The following RIPOR2 variants were observed in gnomAD, a reference collection of about 807,000 sequenced individuals.
The protein encoded by RIPOR2 is rho family-interacting cell polarization regulator 2.
A neutral mutation model predicts 114.5 loss-of-function variants in RIPOR2; 39 were observed. The observed-to-expected ratio is 0.34, with a 90% CI of 0.26 to 0.44. The LOEUF is 0.44. RIPOR2 is among the 20% of genes least tolerant of loss of function. RIPOR2 has a pLI of 1.00. For missense variants in RIPOR2, 1,007 were observed against 1,255.1 expected (o/e 0.80, Z 2.99); for synonymous variants, 445 against 484.4 (o/e 0.92, Z 1.07).
rs184240724 is a variant in RIPOR2, at chr6:24,887,987, C to A, written c.62-12170G>T. Among the ~76,000 whole-genome samples, 246 of 151,668 alleles carry A rather than the reference C, an allele frequency of 1.6e-3. 2 individuals carry two copies. Among genetic ancestry groups the A allele is most frequent in the Admixed American group, 6.4e-3 (98 of 15,268 alleles). ...ATGCACAGTCTAGAACACTTGTAGA[C>A]CCTCATTTGGTGTACACTACATGGC... On this transcript the variant is annotated intron_variant, in intron 1 of 21. Coordinates refer to ENST00000643898, the MANE Select transcript of RIPOR2 (RefSeq NM_001286445.3).
chr6:25,026,211 A>G (rs961903129), intron 1 of RIPOR2, among the ~76,000 whole-genome samples: 1 of 152,204 alleles, frequency 6.6e-6, no homozygotes, highest in South Asian at 2.1e-4. Flanking sequence ...ATGATTAATT[A>G]GAGCCATTGG....
chr6:24,947,344 A>G (rs1168820067), intron 1 of RIPOR2, among the ~76,000 whole-genome samples: 1 of 152,158 alleles, frequency 6.6e-6, no homozygotes, highest in Non-Finnish European at 1.5e-5. Context: ...CATTTGGGTC[A>G]ATTTGGATGG....
At chr6:24,853,378 G>C (rs1763149741) in intron 8 of RIPOR2, among the ~76,000 whole-genome samples, 1 of 152,202 alleles carries the variant, frequency 6.6e-6, no homozygotes, top group South Asian at 2.1e-4. Context: ...GCCATCTCAG[G>C]AACTCTGGGT....
chr6:25,007,915 C>T (rs1775621410), intron 1 of RIPOR2, among the ~76,000 whole-genome samples: 1 of 152,138 alleles, frequency 6.6e-6, no homozygotes, highest in Admixed American at 6.6e-5. Context: ...TGCCCCCGAC[C>T]TCTATTTCCT....
intron 10 of RIPOR2, 37 bp downstream of exon 10, chr6:24,850,560 G>T: frequency 6.2e-7 from 1 of 1,612,548 alleles, no homozygotes; most frequent in Non-Finnish European, 8.5e-7. Context: ...TCCAGCCGTG[G>T]CACCAGGAAA....
chr6:24,903,097 C>G (rs565026605), intron 1 of RIPOR2, among the ~76,000 whole-genome samples: 1 of 152,306 alleles, frequency 6.6e-6, no homozygotes, highest in African/African-American at 2.4e-5. Flanking sequence ...CATGGAACAG[C>G]AGGGTTTGGA....
chr6:25,001,391 G>A (rs573050235), intron 1 of RIPOR2, among the ~76,000 whole-genome samples: 3 of 152,186 alleles, frequency 2.0e-5, no homozygotes, highest in Non-Finnish European at 4.4e-5. Flanking sequence ...TTGGGAGGCT[G>A]AGGTGAGCGG....
chr6:25,011,620 T>A lies in RIPOR2; in HGVS notation c.76+30231A>T, dbSNP rs1775777619. Among the ~76,000 whole-genome samples the A allele has an allele frequency of 2.0e-5, 3 of 152,210 alleles. 1 individual carries two copies. Among genetic ancestry groups the A allele is most frequent in the African/African-American group, 7.2e-5 (3 of 41,446 alleles). ...GTTTCTTGGGATTACATTCTTATAT[T>A]TTTATATTCTTTAATAAAGCACAGG... On this transcript the variant is annotated intron_variant, in intron 1 of 13. Transcript: ENST00000510784.
At chr6:24,900,687 G>T (rs1005136126) in intron 1 of RIPOR2, among the ~76,000 whole-genome samples, 1 of 152,244 alleles carries the variant, frequency 6.6e-6, no homozygotes, top group Admixed American at 6.5e-5. Flanking sequence ...GAGCCCAGGA[G>T]ATCGAGGCTG....
At chr6:24,806,538 A>G in intron 21 of RIPOR2, 65 bp from the exon 22 acceptor site, 1 of 1,213,500 alleles carries the variant, frequency 8.2e-7, no homozygotes, top group Admixed American at 2.4e-5. Flanking sequence ...ACTCAAAGTA[A>G]CATAGTGCCA....
intron 18 of RIPOR2, among the ~76,000 whole-genome samples, chr6:24,826,128 T>C (rs935057421): frequency 2.6e-5 from 4 of 152,072 alleles, no homozygotes; most frequent in African/African-American, 4.8e-5. Flanking sequence ...GGTTTCACCA[T>C]GTTGGCCAGG....
chr6:25,025,125 G>A (rs73729599), intron 1 of RIPOR2, among the ~76,000 whole-genome samples: 6,081 of 152,256 alleles, frequency 0.04, 391 homozygotes, highest in African/African-American at 0.13. Context: ...ATATGTAGCG[G>A]TCTCTTTATT....
chr6:24,940,241 G>A (rs556435335), upstream of RIPOR2, among the ~76,000 whole-genome samples: 92 of 152,100 alleles, frequency 6.0e-4, no homozygotes, highest in Non-Finnish European at 1.1e-3. Flanking sequence ...CCTGTGAAGC[G>A]TGTACAGGAG....
intron 1 of RIPOR2, among the ~76,000 whole-genome samples, chr6:25,018,817 G>A (rs768269888): frequency 1.3e-5 from 2 of 152,152 alleles, no homozygotes; most frequent in Non-Finnish European, 2.9e-5. Context: ...TGATTTGTGG[G>A]TAGAGGTAAT....
chr6:24,913,770 G>A (rs2114080182), intron 1 of RIPOR2, among the ~76,000 whole-genome samples: 1 of 152,028 alleles, frequency 6.6e-6, no homozygotes, highest in South Asian at 2.1e-4. Context: ...TTCCTTTTAG[G>A]TTCTTACTAT....
chr6:24,934,327 C>A (rs1771613393), intron 1 of RIPOR2, among the ~76,000 whole-genome samples: 1 of 152,148 alleles, frequency 6.6e-6, no homozygotes, highest in South Asian at 2.1e-4. Flanking sequence ...GTGTTGGTGG[C>A]CTAAACGCCT....
chr6:24,954,960 T>C (rs936940025), intron 1 of RIPOR2, among the ~76,000 whole-genome samples: 2 of 152,150 alleles, frequency 1.3e-5, no homozygotes, highest in African/African-American at 4.8e-5. Context: ...CATGAACAAA[T>C]AGTAAAAGAA....
intron 1 of RIPOR2, among the ~76,000 whole-genome samples, chr6:24,915,234 C>T (rs1769976908): frequency 1.3e-5 from 2 of 152,160 alleles, no homozygotes; most frequent in African/African-American, 4.8e-5. Flanking sequence ...GCTTGGAATG[C>T]TGCCAGTTCT....
chr6:24,951,416 GT>G (rs1772754032), intron 1 of RIPOR2, among the ~76,000 whole-genome samples: 2 of 152,204 alleles, frequency 1.3e-5, no homozygotes. Context: ...TTTGCATGGT[GT>G]TGTCTGCCAA....
Sources: gnomAD v4.1 joint callset for allele counts (sites outside exome capture counted in the v4.1 genomes callset) on GRCh38, gnomAD v4.1.1 for gene constraint, MANE v1.5 for transcripts, NCBI Gene and HGNC (gene_info 2026-07-23, HGNC 2026-07-21) for gene names.